TRIML2: variants seen among roughly 807,000 people sequenced by gnomAD.
TRIML2 encodes the protein tripartite motif family like 2, also known as probable E3 ubiquitin-protein ligase TRIML2.
A neutral mutation model predicts 31.2 loss-of-function variants in TRIML2; 28 were observed. The observed-to-expected ratio is 0.90, with a 90% CI of 0.66 to 1.23. TRIML2 has a LOEUF of 1.23. Among genes scored for constraint, TRIML2 ranks in the 50% most tolerant of loss-of-function variants. TRIML2 has a pLI of 0.00. For synonymous variants in TRIML2, 187 were observed against 197.5 expected, an observed-to-expected ratio of 0.95 and a Z score of 0.45; for missense variants, 536 against 528.3, an observed-to-expected ratio of 1.01 and a Z score of -0.14.
rs148241821 is a variant in TRIML2, at chr4:188,094,720, G to A, written c.745+2341C>T. 7.1e-3 allele frequency among the ~76,000 whole-genome samples: 1,085 copies of A among 152,222 alleles called. 20 individuals are homozygous for A. Among genetic ancestry groups the A allele is most frequent in the African/African-American group, 0.025 (1,028 of 41,540 alleles). On this transcript the variant is annotated intron_variant, in intron 7 of 7. Transcript: ENST00000682553. ...GTCAATTCTCCCCAAACTGATCAAC[G>A]GATTCAATGTAATATGAATAAAAAT... is the stretch of plus-strand genomic sequence containing the variant.
At chr4:188,100,970 G>C in intron 4 of TRIML2, 86 bp downstream of exon 4, 1 of 1,245,206 alleles carries the variant, frequency 8.0e-7, no homozygotes, top group South Asian at 1.6e-5. Context: ...GGTTGTCACT[G>C]GCTATGTTAT....
chr4:188,096,832 T>C (rs1279379141), intron 7 of TRIML2, among the ~76,000 whole-genome samples: 1 of 151,906 alleles, frequency 6.6e-6, no homozygotes, highest in East Asian at 2.0e-4. Context: ...AATTTTCGTA[T>C]TTTTTGTAGA....
At chr4:188,104,311 T>G (rs913515221) in intron 3 of TRIML2, among the ~76,000 whole-genome samples, 1 of 152,330 alleles carries the variant, frequency 6.6e-6, no homozygotes, top group South Asian at 2.1e-4. Flanking sequence ...CTGCAAACTC[T>G]TATTTGATCG....
chr4:188,105,706 C>G (rs67650322), intron 1 of TRIML2, 116 bp from the exon 2 acceptor site: 1 of 210,972 alleles, frequency 4.7e-6, no homozygotes, highest in Non-Finnish European at 9.4e-6. Context: ...CACTCACTTA[C>G]GAGTCATTCA....
At chr4:188,092,161 C>T (rs1045993781) in intron 7 of TRIML2, among the ~76,000 whole-genome samples, 34 of 152,014 alleles carry the variant, frequency 2.2e-4, no homozygotes, top group African/African-American at 7.7e-4. Context: ...ACACAGTCTA[C>T]CTGAGCGGGA....
chr4:188,097,672 G>C (rs907673835), intron 5 of TRIML2, among the ~76,000 whole-genome samples: 3 of 152,142 alleles, frequency 2.0e-5, no homozygotes, highest in Non-Finnish European at 2.9e-5. Flanking sequence ...CAGGTGAAGG[G>C]GCCACTGGCT....
At position 188,101,105 on chromosome 4, in the gene TRIML2, G is replaced by A. The variant is rs553673824; in HGVS notation, c.431C>T (p.Ala144Val). The change falls in exon 4 of 8, where the codon GCG becomes GTG. Residue 144 changes from alanine to valine, a missense_variant. Physicochemically the swap from Ala to Val is moderately conservative, Grantham distance 64. Coordinates refer to ENST00000682553, the MANE Select transcript of TRIML2 (RefSeq NM_173553.4). ...LNLRETLLNQ[A>V]IKLATELEEM... The stretch of plus-strand genomic sequence containing the variant: ...CTCTAGCTCGGTGGCAAGCTTGATC[G>A]CTTGATTCAGAAGGGTTTCTCTCAG... The A allele has an allele frequency of 1.1e-4, 183 of 1,613,218 alleles. 4 individuals are homozygous for A. The South Asian group carries it at 1.3e-3, about 12-fold the overall frequency.
At chr4:188,095,573 G>A (rs961251133) in intron 7 of TRIML2, among the ~76,000 whole-genome samples, 2 of 152,116 alleles carry the variant, frequency 1.3e-5, no homozygotes, top group African/African-American at 2.4e-5. Flanking sequence ...CCCATCTATC[G>A]GGTCGGATGT....
chr4:188,098,036 C>T (rs982847920), intron 5 of TRIML2, among the ~76,000 whole-genome samples: 6 of 150,334 alleles, frequency 4.0e-5, no homozygotes, highest in African/African-American at 9.8e-5. Context: ...GCAGGAGAAT[C>T]GCTTGAACTG....
At chr4:188,096,577 C>G (rs1733528466) in intron 7 of TRIML2, among the ~76,000 whole-genome samples, 1 of 137,470 alleles carries the variant, frequency 7.3e-6, no homozygotes, top group Admixed American at 7.5e-5. Flanking sequence ...ATGGGAAGAG[C>G]TTTCATATGA....
chr4:188,094,935 A>T (rs889319081), intron 7 of TRIML2, among the ~76,000 whole-genome samples: 1 of 152,198 alleles, frequency 6.6e-6, no homozygotes, highest in Non-Finnish European at 1.5e-5. Context: ...AGAGTCAACC[A>T]TCAATAGACC....
chr4:188,105,614 C>T (rs2111190938), intron 1 of TRIML2, 24 bp from the exon 2 acceptor site: 2 of 390,452 alleles, frequency 5.1e-6, no homozygotes, highest in African/African-American at 3.9e-5. Flanking sequence ...CAGAGTTAGG[C>T]CAGTGTTCTA....
intron 6 of TRIML2, 61 bp from the exon 7 acceptor site, chr4:188,097,222 T>A: frequency 6.3e-7 from 1 of 1,590,114 alleles, no homozygotes; most frequent in Admixed American, 1.7e-5. Context: ...GTCTACTGGA[T>A]GGATCCCATT....
At position 188,104,944 on chromosome 4, in the gene TRIML2, G is replaced by A. The variant is rs1733962755; in HGVS notation, c.190-12C>T. 2 of 1,604,464 alleles carry A rather than the reference G, an allele frequency of 1.2e-6. No homozygotes were observed. Among genetic ancestry groups the A allele is most frequent in the African/African-American group, 1.3e-5 (1 of 74,776 alleles). On this transcript the variant is annotated splice_polypyrimidine_tract_variant and intron_variant, in intron 2 of 7. Transcript: ENST00000682553. ...TCCTGGAATAACTTCTATAGAGAAA[G>A]CACAGAATTCCAGGTGAGATCATTG...
chr4:188,093,404 T>C (rs1421001050), intron 7 of TRIML2, among the ~76,000 whole-genome samples: 1 of 152,150 alleles, frequency 6.6e-6, no homozygotes, highest in East Asian at 1.9e-4. Context: ...CTGGGCACGG[T>C]GGCTCACGCT....
intron 3 of TRIML2, 91 bp from the exon 4 acceptor site, chr4:188,101,341 A>C: frequency 3.2e-6 from 2 of 630,000 alleles, no homozygotes; most frequent in Non-Finnish European, 5.2e-6. Context: ...CTATATCTAT[A>C]TATAGATATA....
chr4:188,094,464 T>A (rs1027804174), intron 7 of TRIML2, among the ~76,000 whole-genome samples: 1 of 152,214 alleles, frequency 6.6e-6, no homozygotes, highest in African/African-American at 2.4e-5. Flanking sequence ...ACAATTCCAT[T>A]TCTATATACT....
In TRIML2 at chr4:188,105,439, A is replaced by T; in HGVS notation, c.-71T>A. On this transcript the variant is annotated 5_prime_UTR_variant, in exon 2 of 8. Transcript: ENST00000682553. ...GAGGTATCTCCCTGCACTGTGAATG[A>T]GAAAAAATGGTGGCTTCCTTTGTTT... The T allele has an allele frequency of 8.4e-7, 1 of 1,183,892 alleles. No homozygotes were observed. Among genetic ancestry groups the T allele is most frequent in the Admixed American group, 2.7e-5 (1 of 36,660 alleles). 73.3% of individuals were successfully genotyped at this position (1,183,892 alleles called of 1,614,324 possible). A position where few individuals can be genotyped will look rare whatever the true frequency, so the allele number is the denominator to read the frequency against.
chr4:188,094,121 C>CAAAAACA (rs1166694211), intron 7 of TRIML2, among the ~76,000 whole-genome samples: 1 of 143,710 alleles, frequency 7.0e-6, no homozygotes, highest in East Asian at 2.9e-4. Context: ...AAAACAAAAA[C>CAAAAACA]AAAAACAAAA....
Sources: gnomAD v4.1 joint callset for allele counts (sites outside exome capture counted in the v4.1 genomes callset) on GRCh38, gnomAD v4.1.1 for gene constraint, MANE v1.5 for transcripts, NCBI Gene and HGNC (gene_info 2026-07-23, HGNC 2026-07-21) for gene names.